The following ANKFY1 variants were observed in gnomAD, a reference collection of about 807,000 sequenced individuals.
ANKFY1 encodes ankyrin repeat and FYVE domain-containing protein 1.
In ANKFY1, 47 loss-of-function variants were observed where a neutral mutation model predicts 128.3. That is an observed-to-expected ratio of 0.37 (90% CI 0.29 to 0.47). ANKFY1 has a LOEUF of 0.47. Ranked by LOEUF, ANKFY1 falls within the 20% of genes least tolerant of loss-of-function variation. The pLI, the probability that ANKFY1 is intolerant of heterozygous loss-of-function variation, is 1.00. For missense variants in ANKFY1, 1,222 were observed against 1,510.6 expected, an observed-to-expected ratio of 0.81 and a Z score of 3.17; for synonymous variants, 553 against 601.6, an observed-to-expected ratio of 0.92 and a Z score of 1.18.
chr17:4,171,638 G>A (rs151311340), intron 22 of ANKFY1, among the ~76,000 whole-genome samples: 26 of 152,316 alleles, frequency 1.7e-4, no homozygotes, highest in African/African-American at 6.3e-4. Context: ...CCTCCCTGCT[G>A]CCTGTTCCTG....
intron 3 of ANKFY1, among the ~76,000 whole-genome samples, chr17:4,218,026 A>C (rs1030414850): frequency 1.3e-5 from 2 of 151,918 alleles, no homozygotes; most frequent in African/African-American, 4.9e-5. Flanking sequence ...ACAAATAAAA[A>C]TAAAAAGACG....
chr17:4,199,119 C>T (rs2059881378), intron 7 of ANKFY1, among the ~76,000 whole-genome samples: 1 of 152,222 alleles, frequency 6.6e-6, no homozygotes, highest in Non-Finnish European at 1.5e-5. Context: ...ATGACTGTGC[C>T]ACTGCACTCT....
At chr17:4,257,682 C>T (rs1183293684) in intron 1 of ANKFY1, among the ~76,000 whole-genome samples, 1 of 152,208 alleles carries the variant, frequency 6.6e-6, no homozygotes, top group Non-Finnish European at 1.5e-5. Flanking sequence ...TTACCCTTCA[C>T]CTTAAAATAT....
At position 4,169,551 on chromosome 17, in the gene ANKFY1, G is replaced by A. The variant is rs1003278045; in HGVS notation, c.3287-263C>T. Among the ~76,000 whole-genome samples, 5 of 152,212 alleles carry A rather than the reference G, an allele frequency of 3.3e-5. No homozygotes were observed. Among genetic ancestry groups the A allele is most frequent in the South Asian group, 4.1e-4 (2 of 4,834 alleles). ...AGTGTGATGTCTGTGGGGGAAACAC[G>A]TAGTCAGGGATGGCTGGGATGGAAG... On this transcript the variant is annotated intron_variant, in intron 23 of 24. Coordinates refer to ENST00000341657, the MANE Select transcript of ANKFY1 (RefSeq NM_001330063.2). This position sits in a 1 kb window ranked among gnomAD's most constrained non-coding sequence, Gnocchi z 5.0.
chr17:4,236,545 T>C (rs1598125207), intron 2 of ANKFY1, among the ~76,000 whole-genome samples: 1 of 108,334 alleles, frequency 9.2e-6, no homozygotes, highest in Non-Finnish European at 2.3e-5. Flanking sequence ...TCTTCCCAAA[T>C]AGATATTTAT....
intron 5 of ANKFY1, among the ~76,000 whole-genome samples, chr17:4,209,210 C>A (rs971944223): frequency 6.6e-6 from 1 of 152,260 alleles, no homozygotes; most frequent in Non-Finnish European, 1.5e-5. Context: ...GGCCGTGGAG[C>A]CACACCCTAC....
rs934742538 is a variant in ANKFY1, at chr17:4,179,277, C to A, written c.2398-220G>T. The A allele has an allele frequency of 5.0e-6, 3 of 596,638 alleles. No homozygotes were observed. The African/African-American group carries it at 5.6e-5, about 11-fold the overall frequency. The allele number at this position is 596,638 out of a possible 1,614,324, so 37.0% of individuals were successfully genotyped here. ...CCCAGTGGTGACCGTAGGACCAGCA[C>A]AAACATGTGTTTCACATCTGCAGTG... On this transcript the variant is annotated intron_variant, in intron 17 of 24. Coordinates refer to ENST00000341657, the MANE Select transcript of ANKFY1 (RefSeq NM_001330063.2).
Position 4,183,847 on chromosome 17 carries a change from C to T in ANKFY1, c.1763G>A (p.Arg588Gln), listed in dbSNP as rs371815650. Residue 588 changes from arginine to glutamine, a missense_variant, in exon 13 of 25, where the codon CGA (arginine) becomes CAA (glutamine). Transcript: ENST00000341657. Reference protein sequence around the residue: ...IIPDFSLKDSRDQTVLGLALW... With the variant: ...IIPDFSLKDSQDQTVLGLALW... ...TGCCAGGCCCAGCACAGTCTGGTCT[C>T]GGGAATCTTTGAGGCTGAAGTCCGG... The T allele has an allele frequency of 3.7e-5, 60 of 1,613,826 alleles. No individual in the cohort carries two copies. The highest frequency in any genetic ancestry group is 6.7e-5 in the African/African-American group (5 of 74,920).
intron 2 of ANKFY1, among the ~76,000 whole-genome samples, chr17:4,238,060 C>T (rs1318274981): frequency 1.3e-5 from 2 of 150,312 alleles, no homozygotes; most frequent in African/African-American, 4.9e-5. Context: ...GGCACAGTGG[C>T]ACACACCTGT....
At chr17:4,196,025 C>T (rs1196379526) in intron 8 of ANKFY1, among the ~76,000 whole-genome samples, 1 of 64,126 alleles carries the variant, frequency 1.6e-5, no homozygotes, top group Non-Finnish European at 3.1e-5. Flanking sequence ...ACCTACCCAC[C>T]CACCCCCCCC....
intron 1 of ANKFY1, among the ~76,000 whole-genome samples, chr17:4,260,819 C>T (rs1470142331): frequency 6.6e-6 from 1 of 152,152 alleles, no homozygotes; most frequent in African/African-American, 2.4e-5. Flanking sequence ...TATCCTCAGT[C>T]TCTCACGATC....
intron 17 of ANKFY1, 70 bp downstream of exon 17, chr17:4,179,651 T>C: frequency 1.3e-6 from 2 of 1,575,000 alleles, no homozygotes; most frequent in Non-Finnish European, 1.7e-6. Flanking sequence ...TGCAAGGTCC[T>C]CTGCCATAGG....
Position 4,197,411 on chromosome 17 carries a change from C to T in ANKFY1, c.1065G>A (p.Gln355=), listed in dbSNP as rs772259037. Residue 355 remains glutamine, a synonymous_variant, in exon 8 of 25, where the codon CAG becomes CAA. Coordinates refer to ENST00000341657, the MANE Select transcript of ANKFY1 (RefSeq NM_001330063.2). ...CCTGCATGTTGGGGTTGGCACCAGC[C>T]TGCAGAAGGGCCTCTGCAATCTGCG... ...EMAQIAEALL[Q]AGANPNMQDS... 2 of 1,614,230 alleles carry T rather than the reference C, an allele frequency of 1.2e-6. No homozygotes were observed. The highest frequency in any genetic ancestry group is 1.7e-6 in the Non-Finnish European group (2 of 1,180,038).
At position 4,163,943 on chromosome 17, in the gene ANKFY1, C is replaced by T. The variant is rs916056472; in HGVS notation, c.*3836G>A. On this transcript the variant is annotated 3_prime_UTR_variant, in exon 25 of 25. Transcript: ENST00000341657. ...TTCATTTTATTATAAGGAATTGTTA[C>T]AGAAAATGCAAATATCAGTATTTGA... 6.6e-6 allele frequency: 1 copy of T among 152,630 alleles called. No homozygotes were observed. The highest frequency in any genetic ancestry group is 1.5e-5 in the Non-Finnish European group (1 of 68,034). 9.5% of individuals were successfully genotyped at this position (152,630 alleles called of 1,614,324 possible). A position where few individuals can be genotyped will look rare whatever the true frequency, so the allele number is the denominator to read the frequency against.
intron 2 of ANKFY1, among the ~76,000 whole-genome samples, chr17:4,239,222 A>G (rs1486901517): frequency 1.3e-5 from 2 of 152,238 alleles, no homozygotes; most frequent in African/African-American, 4.8e-5. Context: ...TCAATTGATA[A>G]GTAATTGAGA....
At chr17:4,250,878 T>C (rs1265169700) in intron 1 of ANKFY1, among the ~76,000 whole-genome samples, 2 of 152,148 alleles carry the variant, frequency 1.3e-5, no homozygotes, top group East Asian at 3.8e-4. Context: ...CAAGGGATCC[T>C]CCCACTTTGG....
Position 4,177,191 on chromosome 17 carries a change from C to G in ANKFY1, c.2710G>C (p.Ala904Pro). Residue 904 changes from alanine (A) to proline (P), a missense_variant, in exon 19 of 25, where the codon GCC becomes CCC. Physicochemically the swap from Ala to Pro is conservative, Grantham distance 27 (BLOSUM62 -1). Coordinates refer to ENST00000341657, the MANE Select transcript of ANKFY1 (RefSeq NM_001330063.2). ...HANVNSRVQD[A>P]SKLTPLHLAV... Reference sequence around the variant, plus strand: ...AGGTGCAGGGGGGTCAACTTGGAGGCATCCTGGACTCTTGAATTCACATTA... The same window carrying G: ...AGGTGCAGGGGGGTCAACTTGGAGGGATCCTGGACTCTTGAATTCACATTA... 6.2e-7 allele frequency: 1 copy of G among 1,608,704 alleles called. No individual in the cohort carries two copies. Among genetic ancestry groups the G allele is most frequent in the Non-Finnish European group, 8.5e-7 (1 of 1,177,246 alleles).
intron 23 of ANKFY1, among the ~76,000 whole-genome samples, chr17:4,170,235 A>C (rs1297564369): frequency 6.6e-6 from 1 of 152,232 alleles, no homozygotes; most frequent in Non-Finnish European, 1.5e-5. Flanking sequence ...CACTCGAGAC[A>C]TTCTGATTCT....
Position 4,181,375 on chromosome 17 carries a change from G to C in ANKFY1, c.2122-3C>G. On this transcript the variant is annotated splice_region_variant and splice_polypyrimidine_tract_variant and intron_variant, in intron 15 of 24. Transcript: ENST00000341657. The surrounding 1 kb of genome is among the most constrained non-coding windows in gnomAD (Gnocchi z 4.9). ...GTGGCATCACAGCCATGTCTGACCT[G>C]CAGAAAAACATAGGTTATTCACAAA... is the stretch of plus-strand genomic sequence containing the variant. 1 of 1,609,858 alleles carries C rather than the reference G, an allele frequency of 6.2e-7. No homozygotes were observed. The highest frequency in any genetic ancestry group is 8.5e-7 in the Non-Finnish European group (1 of 1,176,164).
Sources: allele counts gnomAD v4.1 joint callset (sites outside exome capture counted in the v4.1 genomes callset), GRCh38; gene constraint gnomAD v4.1.1; non-coding constraint Gnocchi (gnomAD v3.1); transcripts MANE v1.5; gene names NCBI Gene and HGNC (gene_info 2026-07-23, HGNC 2026-07-21).